Variants in SPATS2 observed in about 807,000 individuals in gnomAD.
SPATS2 encodes the protein spermatogenesis-associated serine-rich protein 2.
In SPATS2, 38 loss-of-function variants were observed where a neutral mutation model predicts 63.7. The ratio of observed to expected loss-of-function variants is 0.60; its 90% CI spans 0.46 to 0.78. SPATS2 has a LOEUF of 0.78. SPATS2 is among the 30% of genes least tolerant of loss of function. The pLI is 0.00. For missense variants in SPATS2, 588 were observed against 666.2 expected, an observed-to-expected ratio of 0.88 and a Z score of 1.29; for synonymous variants, 207 against 232.9, an observed-to-expected ratio of 0.89 and a Z score of 1.01.
chr12:49,440,834 T>C (rs1322304569), intron 2 of SPATS2, among the ~76,000 whole-genome samples: 1 of 152,196 alleles, frequency 6.6e-6, no homozygotes, highest in Non-Finnish European at 1.5e-5. Context: ...TGTTTCCTTA[T>C]GATTAGATTC....
At chr12:49,404,619 G>A (rs1449682696) in intron 2 of SPATS2, among the ~76,000 whole-genome samples, 1 of 152,170 alleles carries the variant, frequency 6.6e-6, no homozygotes, top group Non-Finnish European at 1.5e-5. Context: ...AAGATGAGCA[G>A]AAATTAGCCA....
At chr12:49,485,813 G>T (rs1946282415) in intron 4 of SPATS2, among the ~76,000 whole-genome samples, 1 of 145,348 alleles carries the variant, frequency 6.9e-6, no homozygotes, top group Non-Finnish European at 1.5e-5. Context: ...AGGCTGGAGT[G>T]CAGTGACGCA....
chr12:49,432,450 C>T (rs142929315), intron 2 of SPATS2, among the ~76,000 whole-genome samples: 12 of 152,150 alleles, frequency 7.9e-5, no homozygotes, highest in African/African-American at 2.2e-4. Flanking sequence ...CCAGCCTGGG[C>T]GACAGAGTGA....
At chr12:49,444,416 G>A (rs759338896) in intron 2 of SPATS2, among the ~76,000 whole-genome samples, 3 of 151,724 alleles carry the variant, frequency 2.0e-5, no homozygotes, top group South Asian at 4.2e-4. Flanking sequence ...ATGGGGTCTC[G>A]CTTTTTTCCC....
intron 2 of SPATS2, among the ~76,000 whole-genome samples, chr12:49,409,490 A>T (rs181435646): frequency 6.7e-6 from 1 of 148,600 alleles, no homozygotes; most frequent in Non-Finnish European, 1.5e-5. Flanking sequence ...TATTTTTAGT[A>T]GAGATGGGGT....
chr12:49,520,057 G>A (rs1050310094), intron 11 of SPATS2, among the ~76,000 whole-genome samples: 4 of 150,986 alleles, frequency 2.6e-5, no homozygotes, highest in African/African-American at 9.8e-5. Flanking sequence ...TCAGCTCACC[G>A]CAACCTCCGC....
intron 9 of SPATS2, among the ~76,000 whole-genome samples, chr12:49,500,796 TCTC>T (rs926061741): frequency 6.6e-5 from 10 of 151,304 alleles, no homozygotes; most frequent in African/African-American, 2.4e-4. Context: ...AAAAAAAAAG[TCTC>T]CTTTTAAACT....
intron 4 of SPATS2, among the ~76,000 whole-genome samples, chr12:49,488,175 T>G (rs1946326372): frequency 6.6e-6 from 1 of 151,728 alleles, no homozygotes; most frequent in African/African-American, 2.4e-5. Context: ...CTCCTGAGTA[T>G]CTGGGATTAC....
chr12:49,454,645 G>A (rs747205976), intron 2 of SPATS2, among the ~76,000 whole-genome samples: 1 of 152,164 alleles, frequency 6.6e-6, no homozygotes, highest in Non-Finnish European at 1.5e-5. Flanking sequence ...CACTTTGGGA[G>A]GCTGAGGCAG....
At chr12:49,446,005 A>G (rs1945504298) in intron 2 of SPATS2, among the ~76,000 whole-genome samples, 4 of 152,032 alleles carry the variant, frequency 2.6e-5, no homozygotes, top group African/African-American at 9.7e-5. Flanking sequence ...CCTGGGCTCA[A>G]GTGATTTTTT....
intron 2 of SPATS2, among the ~76,000 whole-genome samples, chr12:49,378,764 G>A (rs570815895): frequency 3.9e-4 from 59 of 151,776 alleles, no homozygotes; most frequent in African/African-American, 1.4e-3. Flanking sequence ...CCTGGCTAAT[G>A]TAAAAATTTT....
At chr12:49,442,945 T>C (rs552323388) in intron 2 of SPATS2, among the ~76,000 whole-genome samples, 6 of 152,284 alleles carry the variant, frequency 3.9e-5, no homozygotes, top group African/African-American at 1.4e-4. Context: ...ACCATTCTGC[T>C]TCCTGTCTCT....
At chr12:49,460,448 T>C (rs1394257592) in intron 2 of SPATS2, among the ~76,000 whole-genome samples, 1 of 151,154 alleles carries the variant, frequency 6.6e-6, no homozygotes, top group African/African-American at 2.5e-5. Flanking sequence ...AGAGCAAGAC[T>C]TCATCTCAAA....
intron 9 of SPATS2, among the ~76,000 whole-genome samples, chr12:49,513,357 T>A (rs1231964185): frequency 6.6e-6 from 1 of 152,188 alleles, no homozygotes; most frequent in Non-Finnish European, 1.5e-5. Flanking sequence ...ACATTGCATG[T>A]TTGTGCAAGT....
Position 49,484,781 on chromosome 12 carries a change from A to G in SPATS2, c.105+112A>G. The G allele has an allele frequency of 3.4e-6, 3 of 871,738 alleles. No homozygotes were observed. The East Asian group carries it at 7.9e-5, about 23-fold the overall frequency. 54.0% of individuals were successfully genotyped at this position (871,738 alleles called of 1,614,324 possible). On this transcript the variant is annotated intron_variant, in intron 4 of 13. Transcript: ENST00000552918. Reference sequence around the variant, plus strand: ...ATGAGACTGAAATTTTAAGAATAAAACAATGCCACTATATATCAGAGAGTG... The same window carrying G: ...ATGAGACTGAAATTTTAAGAATAAAGCAATGCCACTATATATCAGAGAGTG...
chr12:49,419,603 T>C (rs1944945424), intron 2 of SPATS2, among the ~76,000 whole-genome samples: 1 of 152,212 alleles, frequency 6.6e-6, no homozygotes, highest in South Asian at 2.1e-4. Context: ...TCTGTATTAA[T>C]GAATTTAAAA....
chr12:49,422,673 G>T (rs750180146), intron 2 of SPATS2, among the ~76,000 whole-genome samples: 1 of 152,096 alleles, frequency 6.6e-6, no homozygotes, highest in Non-Finnish European at 1.5e-5. Flanking sequence ...GGCCAAGATG[G>T]GCAGACCGCT....
At chr12:49,458,274 C>A (rs938302262) in intron 2 of SPATS2, among the ~76,000 whole-genome samples, 3 of 152,094 alleles carry the variant, frequency 2.0e-5, no homozygotes, top group Admixed American at 2.0e-4. Flanking sequence ...TCAGGACCAG[C>A]CTGGCCAACA....
intron 2 of SPATS2, among the ~76,000 whole-genome samples, chr12:49,458,079 A>C (rs1360331711): frequency 6.6e-6 from 1 of 152,204 alleles, no homozygotes; most frequent in Non-Finnish European, 1.5e-5. Flanking sequence ...TATTTAATAT[A>C]AGTGTACTCT....
Sources: gnomAD v4.1 joint callset for allele counts (sites outside exome capture counted in the v4.1 genomes callset) on GRCh38, gnomAD v4.1.1 for gene constraint, MANE v1.5 for transcripts, NCBI Gene and HGNC (gene_info 2026-07-23, HGNC 2026-07-21) for gene names.